Variants in CEP85 observed in about 807,000 individuals in gnomAD.
CEP85 encodes centrosomal protein of 85 kDa.
Under a neutral mutation model 93.7 loss-of-function variants are expected in CEP85, and 58 were observed. The ratio of observed to expected loss-of-function variants is 0.62; its 90% CI spans 0.50 to 0.77. The LOEUF (loss-of-function observed/expected upper bound fraction) is 0.77. Among genes scored for constraint, CEP85 ranks in the 30% least tolerant of loss-of-function variants. The pLI is 0.00. For missense variants in CEP85, 868 were observed against 922.0 expected, an observed-to-expected ratio of 0.94 and a Z score of 0.76; for synonymous variants, 314 against 338.6, an observed-to-expected ratio of 0.93 and a Z score of 0.80.
rs145881840 is a variant in CEP85 at position 26,257,655 on chromosome 1, T to C, written c.962T>C (p.Leu321Ser). ...PAAFGPSLPI[L>S]EPAQWISILN... ...GCTTTTGGTCCTTCACTGCCCATCT[T>C]AGAGCCAGCACAGTGGATCAGCATC... The change falls in exon 5 of 14, where the codon TTA (leucine) becomes TCA (serine). Residue 321 changes from leucine (L) to serine (S), a missense_variant. By Grantham distance (145) the Leu-to-Ser change is moderately radical. Transcript: ENST00000451429. 10 of 1,614,112 alleles carry C rather than the reference T, an allele frequency of 6.2e-6. No homozygotes were observed. In the African/African-American group the frequency reaches 1.3e-4, roughly 22 times the overall value.
chr1:26,266,865 T>C (rs1052252318), intron 7 of CEP85, among the ~76,000 whole-genome samples: 1 of 152,258 alleles, frequency 6.6e-6, no homozygotes, highest in African/African-American at 2.4e-5. Context: ...TAGTATATGA[T>C]TATTAGCAAA....
intron 2 of CEP85, among the ~76,000 whole-genome samples, chr1:26,240,994 G>A (rs1569959302): frequency 6.6e-6 from 1 of 152,042 alleles, no homozygotes; most frequent in African/African-American, 2.4e-5. Flanking sequence ...GGCATATTAA[G>A]TAGATAATAT....
At chr1:26,267,012 T>C (rs3890773) in intron 7 of CEP85, among the ~76,000 whole-genome samples, 22,828 of 152,200 alleles carry the variant, frequency 0.15, 1,941 homozygotes, top group South Asian at 0.21. Context: ...AAGTTATGTA[T>C]ACTTCTGCAG....
chr1:26,257,774 GC>G, intron 5 of CEP85, 44 bp downstream of exon 5: 2 of 1,608,368 alleles, frequency 1.2e-6, no homozygotes, highest in Non-Finnish European at 1.7e-6. Context: ...ACTCTCCCAG[GC>G]CCCATTGAAG....
intron 10 of CEP85, chr1:26,271,743 C>T: frequency 2.3e-6 from 1 of 430,482 alleles, no homozygotes; most frequent in Non-Finnish European, 4.2e-6. Flanking sequence ...CACTGGCCTG[C>T]AGTTATTAGG....
intron 3 of CEP85, among the ~76,000 whole-genome samples, chr1:26,249,631 A>G (rs968072323): frequency 2.0e-5 from 3 of 152,222 alleles, no homozygotes; most frequent in Non-Finnish European, 4.4e-5. Flanking sequence ...TCACTGGTGT[A>G]ATTCAGGCTA....
intron 3 of CEP85, 137 bp from the exon 4 acceptor site, chr1:26,255,030 GTTTC>G: frequency 1.4e-6 from 1 of 718,112 alleles, no homozygotes. Flanking sequence ...TTTGGTTGCC[GTTTC>G]TTTCTGCCTG....
At chr1:26,269,662 T>G (rs1370831641) in intron 9 of CEP85, 48 bp downstream of exon 9, 1 of 1,490,286 alleles carries the variant, frequency 6.7e-7, no homozygotes, top group Non-Finnish European at 9.2e-7. Context: ...AAGTTTTTTG[T>G]CATAGCCATC....
At chr1:26,266,873 A>C (rs1011199993) in intron 7 of CEP85, among the ~76,000 whole-genome samples, 9 of 152,388 alleles carry the variant, frequency 5.9e-5, no homozygotes, top group African/African-American at 2.2e-4. Context: ...GATTATTAGC[A>C]AACAGACATA....
intron 6 of CEP85, among the ~76,000 whole-genome samples, chr1:26,259,324 GT>G (rs2089770466): frequency 6.6e-6 from 1 of 152,200 alleles, no homozygotes; most frequent in East Asian, 1.9e-4. Context: ...GTTCTCAAAT[GT>G]GAGTGTGCAT....
At chr1:26,264,271 G>A (rs1406948277) in intron 7 of CEP85, among the ~76,000 whole-genome samples, 1 of 152,174 alleles carries the variant, frequency 6.6e-6, no homozygotes, top group East Asian at 1.9e-4. Context: ...GGTGGCTCAC[G>A]CCTGTGATCC....
rs749528990 is a variant in CEP85 at position 26,274,960 on chromosome 1, T to A, written c.1795-4T>A. On this transcript the variant is annotated splice_polypyrimidine_tract_variant and splice_region_variant and intron_variant, in intron 11 of 13. Coordinates refer to ENST00000451429, the MANE Select transcript of CEP85 (RefSeq NM_001319944.2). ...TTCCCTCAACATCTTGCTGTGTGATTCAGAGCCTAGAGCAGGAAGTGGCTC... is the reference window on the plus strand; with the variant it reads ...TTCCCTCAACATCTTGCTGTGTGATACAGAGCCTAGAGCAGGAAGTGGCTC... The A allele has an allele frequency of 1.6e-5, 25 of 1,561,302 alleles. No individual in the cohort carries two copies. Among genetic ancestry groups the A allele is most frequent in the Non-Finnish European group, 2.1e-5 (24 of 1,152,462 alleles).
At chr1:26,240,231 C>A (rs2089400705) in intron 2 of CEP85, among the ~76,000 whole-genome samples, 3 of 152,134 alleles carry the variant, frequency 2.0e-5, no homozygotes, top group African/African-American at 7.2e-5. Flanking sequence ...GATTCCGTTG[C>A]ATTGTTACTA....
intron 11 of CEP85, 89 bp downstream of exon 11, chr1:26,272,160 C>G: frequency 7.6e-7 from 1 of 1,307,278 alleles, no homozygotes; most frequent in Non-Finnish European, 1.1e-6. Flanking sequence ...CTCTGCCATG[C>G]AGGTTGCTCA....
At position 26,250,937 on chromosome 1, in the gene CEP85, T is replaced by C. The variant is rs1446722109; in HGVS notation, c.209-4234T>C. Among the ~76,000 whole-genome samples the C allele has an allele frequency of 1.9e-4, 18 of 94,624 alleles. 3 individuals carry two copies. The highest frequency in any genetic ancestry group is 9.6e-4 in the African/African-American group (18 of 18,846). The allele number at this position is 94,624 out of a possible 152,430, so 62.1% of individuals were successfully genotyped here. On this transcript the variant is annotated intron_variant, in intron 3 of 13. Transcript: ENST00000451429. ...GCCTTTTTTTTTTCTTTTTTCTTTT[T>C]TTTTTTTTTTTTTTTTTTTTTGAGA... is the stretch of plus-strand genomic sequence containing the variant.
chr1:26,248,782 A>G (rs1203083861), intron 3 of CEP85, among the ~76,000 whole-genome samples: 1 of 120,340 alleles, frequency 8.3e-6, no homozygotes, highest in African/African-American at 3.3e-5. Flanking sequence ...GCTGGAGTGC[A>G]GTGGGGCAAT....
chr1:26,266,327 C>T (rs1207386299), intron 7 of CEP85, among the ~76,000 whole-genome samples: 1 of 152,164 alleles, frequency 6.6e-6, no homozygotes, highest in Non-Finnish European at 1.5e-5. Flanking sequence ...GTCAAGGCTG[C>T]AGTGGGCTGT....
chr1:26,259,861 C>G, intron 7 of CEP85, 59 bp downstream of exon 7: 1 of 1,424,508 alleles, frequency 7.0e-7, no homozygotes, highest in South Asian at 1.4e-5. Context: ...GCTGTCTACT[C>G]TAAAGCCTAA....
chr1:26,255,635 G>A lies in CEP85; in HGVS notation c.673G>A (p.Ala225Thr). ...GGAGTTGTACAGAGTGTTGCCTGAG[G>A]CCAAGAAGGCACCGGGCAGCGGGGC... ...SKELYRVLPE[A>T]KKAPGSGAVF... Residue 225 changes from alanine to threonine, a missense_variant, in exon 4 of 14, where the codon GCC becomes ACC. Ala to Thr is a moderately conservative substitution (Grantham distance 58). Transcript: ENST00000451429. The A allele has an allele frequency of 1.2e-6, 2 of 1,614,060 alleles. No homozygotes were observed. Among genetic ancestry groups the A allele is most frequent in the Admixed American group, 1.7e-5 (1 of 59,984 alleles).
Sources: gnomAD v4.1 joint callset for allele counts (sites outside exome capture counted in the v4.1 genomes callset) on GRCh38, gnomAD v4.1.1 for gene constraint, MANE v1.5 for transcripts, NCBI Gene and HGNC (gene_info 2026-07-23, HGNC 2026-07-21) for gene names.